OXA1L: variants seen among roughly 807,000 people sequenced by gnomAD.
OXA1L encodes the protein mitochondrial inner membrane protein OXA1L.
A neutral mutation model predicts 52.2 loss-of-function variants in OXA1L; 42 were observed. The observed-to-expected ratio is 0.80, with a 90% CI of 0.63 to 1.04. The LOEUF is 1.04. Ranked by LOEUF, OXA1L falls within the 50% of genes least tolerant of loss-of-function variation. The pLI is 0.00. For synonymous variants in OXA1L, 239 were observed against 201.9 expected, an observed-to-expected ratio of 1.18 and a Z score of -1.56; for missense variants, 572 against 555.0, an observed-to-expected ratio of 1.03 and a Z score of -0.31.
Position 22,770,580 on chromosome 14 carries a change from C to A in OXA1L, c.789C>A (p.Tyr263Ter). Residue 263 changes from tyrosine (Y) to a stop codon, truncating the protein, a stop_gained, in exon 6 of 10, where the codon TAC becomes TAA. Transcript: ENST00000612549. LOFTEE classifies it high-confidence loss of function. Reference sequence around the variant, plus strand: ...ATCTCACGGTATCCGATCCCATCTACATATTACCACTGGCAGTCACTGCTA... The same window carrying A: ...ATCTCACGGTATCCGATCCCATCTAAATATTACCACTGGCAGTCACTGCTA... ...FQDLTVSDPIYILPLAVTATM... is the reference protein window; with the variant it reads ...FQDLTVSDPI 6.2e-7 allele frequency: 1 copy of A among 1,613,822 alleles called. No individual in the cohort carries two copies. Among genetic ancestry groups the A allele is most frequent in the Non-Finnish European group, 8.5e-7 (1 of 1,179,750 alleles).
At chr14:22,768,298 T>C (rs938995072) in intron 3 of OXA1L, 127 bp downstream of exon 3, 2 of 702,262 alleles carry the variant, frequency 2.8e-6, no homozygotes, top group Admixed American at 2.2e-5. Flanking sequence ...AAATGAGCAA[T>C]AGAGGTTCAT....
intron 4 of OXA1L, 28 bp from the exon 5 acceptor site, chr14:22,770,165 C>T (rs761040335): frequency 5.9e-6 from 9 of 1,529,216 alleles, no homozygotes; most frequent in Non-Finnish European, 7.3e-6. Context: ...ACTGTTACCC[C>T]AACCATTAAT....
At chr14:22,767,032 C>T in intron 1 of OXA1L, 6 of 1,536,042 alleles carry the variant, frequency 3.9e-6, no homozygotes, top group East Asian at 2.4e-5. Flanking sequence ...TCTGCGATAA[C>T]TGAGATGCGG....
At chr14:22,769,098 C>T (rs1203397697) in intron 3 of OXA1L, among the ~76,000 whole-genome samples, 1 of 151,860 alleles carries the variant, frequency 6.6e-6, no homozygotes, top group East Asian at 1.9e-4. Context: ...TTTTTACGTT[C>T]TTTATTTAAA....
At chr14:22,770,724 G>T (rs2038451172) in intron 6 of OXA1L, 81 bp from the exon 7 acceptor site, 3 of 1,539,066 alleles carry the variant, frequency 1.9e-6, no homozygotes, top group Middle Eastern at 1.7e-4. Flanking sequence ...GCTGGAGAAA[G>T]AGTTGATGGG....
chr14:22,767,180 C>T, intron 1 of OXA1L, 68 bp from the exon 2 acceptor site: 1 of 1,559,502 alleles, frequency 6.4e-7, no homozygotes, highest in Admixed American at 1.8e-5. Flanking sequence ...CATAATGAAT[C>T]CCGTTTGCAC....
At chr14:22,767,495 A>G in intron 2 of OXA1L, 86 bp downstream of exon 2, 1 of 1,214,976 alleles carries the variant, frequency 8.2e-7, no homozygotes, top group Non-Finnish European at 1.2e-6. Context: ...CAGGGGGAAT[A>G]TGGAGCAGAG....
chr14:22,766,760 G>T lies in OXA1L; in HGVS notation c.59G>T (p.Arg20Leu), dbSNP rs762943736. 4 of 1,614,208 alleles carry T rather than the reference G, an allele frequency of 2.5e-6. No individual in the cohort carries two copies. Among genetic ancestry groups the T allele is most frequent in the South Asian group, 2.2e-5 (2 of 91,086 alleles). The change falls in exon 1 of 10, where the codon CGT becomes CTT. Residue 20 changes from arginine (R) to leucine (L), a missense_variant. Physicochemically the swap from Arg to Leu is moderately radical, Grantham distance 102. This residue lies in a region of OXA1L where 186 missense variants were observed against 151.8 expected (regional missense o/e 1.23). Coordinates refer to ENST00000612549, the MANE Select transcript of OXA1L (RefSeq NM_005015.5). ...RELLRLLQSG[R>L]RVHSVAGPSQ... Reference sequence around the variant, plus strand: ...CTTCTGCGCTTGCTACAGTCCGGGCGTCGGGTAAGGATGCCCCGGGGCAGA... The same window carrying T: ...CTTCTGCGCTTGCTACAGTCCGGGCTTCGGGTAAGGATGCCCCGGGGCAGA...
In OXA1L at chr14:22,771,992, G is replaced by A. The variant is rs2038471924; in HGVS notation, c.*434G>A. ...GCACACCTGTAGTCCCAGCTACTCG[G>A]GAGGCTGAGGCAGGAGAATTGCTTG... On this transcript the variant is annotated 3_prime_UTR_variant, in exon 10 of 10. Coordinates refer to ENST00000612549, the MANE Select transcript of OXA1L (RefSeq NM_005015.5). 1 of 163,048 alleles carries A rather than the reference G, an allele frequency of 6.1e-6. No individual in the cohort carries two copies. Among genetic ancestry groups the A allele is most frequent in the Non-Finnish European group, 1.3e-5 (1 of 74,410 alleles). 10.1% of individuals were successfully genotyped at this position (163,048 alleles called of 1,614,324 possible).
chr14:22,771,430 T>A lies in OXA1L; in HGVS notation c.1184-4T>A. 1 of 1,614,194 alleles carries A rather than the reference T, an allele frequency of 6.2e-7. No homozygotes were observed. Among genetic ancestry groups the A allele is most frequent in the Non-Finnish European group, 8.5e-7 (1 of 1,180,028 alleles). On this transcript the variant is annotated splice_polypyrimidine_tract_variant and splice_region_variant and intron_variant, in intron 9 of 9. Transcript: ENST00000612549. ...TTGAAATTTGTTTTCTCTTCTCCCC[T>A]CAGGTCCTTTACGACAGACCTTTAC...
Position 22,768,036 on chromosome 14 carries a change from G to A in OXA1L, c.304G>A (p.Val102Ile), listed in dbSNP as rs187639757. The change falls in exon 3 of 10, where the codon GTA becomes ATA. Residue 102 changes from valine (V) to isoleucine (I), a missense_variant. By Grantham distance (29) the Val-to-Ile change is conservative. This residue lies in a region of OXA1L where 186 missense variants were observed against 151.8 expected (regional missense o/e 1.23). Transcript: ENST00000612549. ...PEVASGETADVVQTAAEQSFA... is the reference protein window; with the variant it reads ...PEVASGETADIVQTAAEQSFA... ...GGTGGCTTCTGGAGAGACTGCAGAT[G>A]TAGTCCAAACTGCTGCAGAGCAGAG... 1 of 1,614,238 alleles carries A rather than the reference G, an allele frequency of 6.2e-7. No individual in the cohort carries two copies. Among genetic ancestry groups the A allele is most frequent in the Non-Finnish European group, 8.5e-7 (1 of 1,180,028 alleles).
chr14:22,771,218 G>A, intron 8 of OXA1L, 38 bp downstream of exon 8: 5 of 1,613,052 alleles, frequency 3.1e-6, no homozygotes, highest in Non-Finnish European at 4.2e-6. Flanking sequence ...ACTAGGGAAA[G>A]GGGTCTAAAA....
intron 1 of OXA1L, 157 bp downstream of exon 1, chr14:22,766,921 C>T (rs777451502): frequency 3.2e-5 from 48 of 1,514,944 alleles, no homozygotes; most frequent in African/African-American, 4.1e-5. Flanking sequence ...TAGGGTTAGT[C>T]CCCGACACTA....
chr14:22,769,824 T>A lies in OXA1L; in HGVS notation c.473T>A (p.Leu158His). Residue 158 changes from leucine to histidine, a missense_variant, in exon 4 of 10, where the codon CTC becomes CAC. This residue lies in a region of OXA1L where 132 missense variants were observed against 124.0 expected (regional missense o/e 1.06). Transcript: ENST00000612549. ...TTTGCCCGCTGCCTGATTTTTCCTC[T>A]CATCGTGACGGGCCAGCGAGAGGCA... ...TVFARCLIFP[L>H]IVTGQREAAR... is the part of the protein sequence containing the mutation. 6.2e-7 allele frequency: 1 copy of A among 1,614,192 alleles called. No homozygotes were observed. Among genetic ancestry groups the A allele is most frequent in the Non-Finnish European group, 8.5e-7 (1 of 1,180,034 alleles).
intron 6 of OXA1L, 21 bp downstream of exon 6, chr14:22,770,646 T>G: frequency 1.9e-6 from 3 of 1,605,890 alleles, no homozygotes; most frequent in Non-Finnish European, 2.6e-6. Flanking sequence ...ATTGGCCAAG[T>G]GCCAGGCCTG....
Position 22,772,958 on chromosome 14 carries a change from C to G in OXA1L, c.*1400C>G, listed in dbSNP as rs1340557890. 1 of 236,254 alleles carries G rather than the reference C, an allele frequency of 4.2e-6. No homozygotes were observed. Among genetic ancestry groups the G allele is most frequent in the African/African-American group, 2.3e-5 (1 of 43,226 alleles). The allele number at this position is 236,254 out of a possible 1,614,324, so 14.6% of individuals were successfully genotyped here. A position where few individuals can be genotyped will look rare whatever the true frequency, so the allele number is the denominator to read the frequency against. ...TGATCCAAGATCATGCTGCTATACT[C>G]CAGCCTTGGCTACAGAGCAAGATCC... On this transcript the variant is annotated 3_prime_UTR_variant, in exon 10 of 10. Coordinates refer to ENST00000612549, the MANE Select transcript of OXA1L (RefSeq NM_005015.5).
chr14:22,767,090 C>T (rs1230545003), intron 1 of OXA1L, 158 bp from the exon 2 acceptor site: 3 of 1,536,156 alleles, frequency 2.0e-6, no homozygotes, highest in South Asian at 2.4e-5. Flanking sequence ...CGCTGCATGC[C>T]TTCGGGCTAG....
intron 1 of OXA1L, chr14:22,767,014 G>C: frequency 6.5e-7 from 1 of 1,535,590 alleles, no homozygotes; most frequent in Non-Finnish European, 8.7e-7. Flanking sequence ...AGGGCCCTCC[G>C]ATGTGGGTCT....
rs1285433964 is a variant in OXA1L at position 22,771,479 on chromosome 14, G to C, written c.1229G>C (p.Gly410Ala). Residue 410 changes from glycine (G) to alanine (A), a missense_variant, in exon 10 of 10, where the codon GGA (glycine) becomes GCA (alanine). By Grantham distance (60) the Gly-to-Ala change is moderately conservative (BLOSUM62 0). Around this residue, in one of 5 missense-constraint regions of OXA1L, gnomAD observed 244 missense variants for 240.2 expected, o/e 1.02. Transcript: ENST00000612549. Reference sequence around the variant, plus strand: ...ACCCACAACCCTCTCCTACAACCTGGAAAGGATAACCCTCCCAATATCCCT... The same window carrying C: ...ACCCACAACCCTCTCCTACAACCTGCAAAGGATAACCCTCCCAATATCCCT... ...TFTHNPLLQP[G>A]KDNPPNIPSS... The C allele has an allele frequency of 6.8e-6, 11 of 1,613,236 alleles. No homozygotes were observed. The highest frequency in any genetic ancestry group is 1.3e-5 in the African/African-American group (1 of 74,640).
Sources: allele counts gnomAD v4.1 joint callset (sites outside exome capture counted in the v4.1 genomes callset), GRCh38; gene constraint gnomAD v4.1.1; regional missense constraint gnomAD v4.1.1; transcripts MANE v1.5; gene names NCBI Gene and HGNC (gene_info 2026-07-23, HGNC 2026-07-21).